The following CSF3R variants were observed in gnomAD, a reference collection of about 807,000 sequenced individuals.
The protein encoded by CSF3R is colony stimulating factor 3 receptor.
Under a neutral mutation model 84.4 loss-of-function variants are expected in CSF3R, and 52 were observed. The observed-to-expected ratio is 0.62, with a 90% CI of 0.49 to 0.78. CSF3R has a LOEUF of 0.78. Ranked by LOEUF, CSF3R falls within the 30% of genes least tolerant of loss-of-function variation. The probability of loss-of-function intolerance (pLI) is 0.00; values close to 1 mark genes in which losing one functional copy is unlikely to be tolerated. For synonymous variants in CSF3R, 384 were observed against 429.1 expected (o/e 0.89, Z 1.30); for missense variants, 890 against 1,055.7 (o/e 0.84, Z 2.17).
In CSF3R at chr1:36,471,107, G is replaced by A. The variant is rs151317983; in HGVS notation, c.1285+326C>T. ...GTTGCCCAGGCTAGAGTGTAATGGC[G>A]TGATCTCAGCTTGCTGCAACCTCTG... is the stretch of plus-strand genomic sequence containing the variant. On this transcript the variant is annotated intron_variant, in intron 10 of 16. Transcript: ENST00000373106. Among the ~76,000 whole-genome samples the A allele has an allele frequency of 2.1e-3, 317 of 152,054 alleles. 2 individuals carry two copies. The highest frequency in any genetic ancestry group is 7.2e-3 in the African/African-American group (297 of 41,462).
chr1:36,483,168 G>A (rs747778677), upstream of CSF3R: 3 of 152,222 alleles, frequency 2.0e-5, no homozygotes, highest in African/African-American at 4.8e-5. Context: ...GGCTGGGCAG[G>A]GCCCAGGCTC....
rs202140714 is a variant in CSF3R, at chr1:36,478,857, GAACAAACA to G, written c.64+568_64+575del. 1.6e-3 allele frequency: 306 copies of G among 196,594 alleles called. 1 individual carries two copies. The highest frequency in any genetic ancestry group is 6.4e-3 in the African/African-American group (274 of 42,536). 12.2% of individuals were successfully genotyped at this position (196,594 alleles called of 1,614,324 possible). The stretch of plus-strand genomic sequence containing the variant: ...CAGAGGGAGACCCTGTCTCACAAAC[GAACAAACA>G]AACAAACAAACAAACAAACAAGGAA... On this transcript the variant is annotated intron_variant, in intron 3 of 16. Transcript: ENST00000373106.
intron 4 of CSF3R, among the ~76,000 whole-genome samples, chr1:36,474,130 C>T (rs1650966716): frequency 1.3e-5 from 2 of 152,222 alleles, no homozygotes; most frequent in Admixed American, 1.3e-4. Context: ...TTCCAAGGCC[C>T]CCAACTCTAG....
rs756102630 is a variant in CSF3R at position 36,473,836 on chromosome 1, C to T, written c.413G>A (p.Ser138Asn). The T allele has an allele frequency of 1.2e-6, 2 of 1,614,178 alleles. No homozygotes were observed. Among genetic ancestry groups the T allele is most frequent in the South Asian group, 2.2e-5 (2 of 91,076 alleles). Reference sequence around the variant, plus strand: ...TGGCTCCCACTGGCAGATGAGGCTGCTGGTTGTGAGGTTCATGAGGCAGGA... The same window carrying T: ...TGGCTCCCACTGGCAGATGAGGCTGTTGGTTGTGAGGTTCATGAGGCAGGA... The part of the protein sequence containing the change: ...NLSCLMNLTT[S>N]SLICQWEPGP... The change falls in exon 5 of 17, where the codon AGC becomes AAC. Residue 138 changes from serine (S) to asparagine (N), a missense_variant. By Grantham distance (46) the Ser-to-Asn change is conservative. Transcript: ENST00000373106.
chr1:36,471,541 G>A lies in CSF3R; in HGVS notation c.1177C>T (p.Leu393Phe). 1 of 1,614,278 alleles carries A rather than the reference G, an allele frequency of 6.2e-7. No homozygotes were observed. The highest frequency in any genetic ancestry group is 8.5e-7 in the Non-Finnish European group (1 of 1,180,050). Residue 393 changes from leucine to phenylalanine, a missense_variant, in exon 10 of 17, where the codon CTC becomes TTC. Coordinates refer to ENST00000373106, the MANE Select transcript of CSF3R (RefSeq NM_000760.4). ...GAAGGCAGGTGGAAGGTGCAGCTGA[G>A]CTCTGTGGTGTTGCAGAGGGGCAGG... ...AILPLCNTTE[L>F]SCTFHLPSEA...
intron 9 of CSF3R, chr1:36,471,860 A>G: frequency 1.5e-6 from 1 of 685,778 alleles, no homozygotes. Flanking sequence ...CAGGCTCTTA[A>G]CTATTCACTG....
rs149268502 is a variant in CSF3R, at chr1:36,481,520, G to A, written c.-63C>T. 31 of 152,306 alleles carry A rather than the reference G, an allele frequency of 2.0e-4. No individual in the cohort carries two copies. The highest frequency in any genetic ancestry group is 7.0e-4 in the African/African-American group (29 of 41,562). The allele number at this position is 152,306 out of a possible 1,614,324, so 9.4% of individuals were successfully genotyped here. On this transcript the variant is annotated 5_prime_UTR_variant, in exon 2 of 17. Coordinates refer to ENST00000373106, the MANE Select transcript of CSF3R (RefSeq NM_000760.4). ...ACAAGTTACTTCACCTTTCCGAGCC[G>A]AGCCTCAGTTTCCCCATCTGTGGGA... is the stretch of plus-strand genomic sequence containing the variant.
chr1:36,476,641 G>A (rs1168981152), intron 3 of CSF3R, among the ~76,000 whole-genome samples: 1 of 150,126 alleles, frequency 6.7e-6, no homozygotes, highest in Non-Finnish European at 1.5e-5. Flanking sequence ...TTTTGTTGTT[G>A]TTGTTTTGTT....
chr1:36,482,305 CG>C (rs11295216), intron 1 of CSF3R, among the ~76,000 whole-genome samples: 71,652 of 123,066 alleles, frequency 0.58, 18,235 homozygotes, highest in East Asian at 0.7. Flanking sequence ...AGAGAGTGGG[CG>C]GGGGGGGGGC....
At chr1:36,474,887 A>G (rs999811622) in intron 4 of CSF3R, among the ~76,000 whole-genome samples, 1 of 152,058 alleles carries the variant, frequency 6.6e-6, no homozygotes, top group African/African-American at 2.4e-5. Context: ...CCTGAACCTC[A>G]GTTTCATCAT....
In CSF3R at chr1:36,472,389, C is replaced by T. The variant is rs144166608; in HGVS notation, c.846G>A (p.Val282=). 1.2e-6 allele frequency: 2 copies of T among 1,613,892 alleles called. No individual in the cohort carries two copies. The highest frequency in any genetic ancestry group is 1.7e-6 in the Non-Finnish European group (2 of 1,180,024). Residue 282 remains valine (V), a splice_region_variant and synonymous_variant, in exon 8 of 17, where the codon GTG becomes GTA. Coordinates refer to ENST00000373106, the MANE Select transcript of CSF3R (RefSeq NM_000760.4). The surrounding 1 kb of genome is among the most constrained non-coding windows in gnomAD (Gnocchi z 5.0). ...GAAGGGCCTCCAAGGGGAGGGGGCC[C>T]ACCTGGTGAGGGGTGGACAGGACTC... The part of the protein sequence containing the change: ...PQRGEASWAL[V]GPLPLEALQY...
At chr1:36,475,720 A>G (rs1258909522) in intron 3 of CSF3R, 47 bp from the exon 4 acceptor site, 2 of 1,569,794 alleles carry the variant, frequency 1.3e-6, no homozygotes, top group South Asian at 1.2e-5. Context: ...TGCCTAGCAG[A>G]GCTGGGCTAT....
intron 3 of CSF3R, chr1:36,475,911 G>C (rs1042753624): frequency 2.0e-6 from 1 of 511,368 alleles, no homozygotes; most frequent in Non-Finnish European, 3.5e-6. Context: ...AGCAGACCCT[G>C]GTTTGTAGTG....
At chr1:36,471,906 A>G in intron 9 of CSF3R, 160 bp downstream of exon 9, 2 of 769,776 alleles carry the variant, frequency 2.6e-6, no homozygotes, top group South Asian at 3.2e-5. Context: ...TCTGTCCAAA[A>G]GCTAACTCAG....
chr1:36,472,455 C>T lies in CSF3R; in HGVS notation c.843+62G>A. 1 of 1,613,848 alleles carries T rather than the reference C, an allele frequency of 6.2e-7. No homozygotes were observed. The highest frequency in any genetic ancestry group is 8.5e-7 in the Non-Finnish European group (1 of 1,179,910). ...TGGGCCATTCTAGGGCCAGCTCGAGCCCGACTTACCCTGCCCCCTGCCCCC... is the reference window on the plus strand; with the variant it reads ...TGGGCCATTCTAGGGCCAGCTCGAGTCCGACTTACCCTGCCCCCTGCCCCC... On this transcript the variant is annotated intron_variant, in intron 7 of 16. Transcript: ENST00000373106. The surrounding 1 kb of genome is among the most constrained non-coding windows in gnomAD (Gnocchi z 5.0).
At position 36,473,693 on chromosome 1, in the gene CSF3R, T is replaced by C. The variant is rs2275471; in HGVS notation, c.485+71A>G. 21,763 of 1,613,942 alleles carry C rather than the reference T, an allele frequency of 0.013. 2,045 individuals are homozygous for C. In the East Asian group the frequency reaches 0.27, roughly 20 times the overall value. ...GGCTCCCTTCTCCCTCCCAGAGGCA[T>C]GCCCAGCATCCTACCCATGCCCTAC... On this transcript the variant is annotated intron_variant, in intron 5 of 16. Coordinates refer to ENST00000373106, the MANE Select transcript of CSF3R (RefSeq NM_000760.4).
intron 4 of CSF3R, among the ~76,000 whole-genome samples, chr1:36,474,767 T>G (rs1157237047): frequency 6.6e-6 from 1 of 152,178 alleles, no homozygotes; most frequent in Non-Finnish European, 1.5e-5. Context: ...GGAGACACCC[T>G]CAGATGGCTG....
rs606231473 is a variant in CSF3R at position 36,472,313 on chromosome 1, G to A, written c.922C>T (p.Arg308Cys). Residue 308 changes from arginine to cysteine, a missense_variant, in exon 8 of 17, where the codon CGC (arginine) becomes TGC (cysteine). By Grantham distance (180) the Arg-to-Cys change is radical. Coordinates refer to ENST00000373106, the MANE Select transcript of CSF3R (RefSeq NM_000760.4). This position sits in a 1 kb window ranked among gnomAD's most constrained non-coding sequence, Gnocchi z 5.0. ...CCAGGCAGGGGCCAGCGGATGCAGC[G>A]TATCTGCAGGGTGTAGGCCGTGGCT... The part of the protein sequence containing the change: ...LPATAYTLQI[R>C]CIRWPLPGHW... 4 of 1,614,206 alleles carry A rather than the reference G, an allele frequency of 2.5e-6. No individual in the cohort carries two copies. Among genetic ancestry groups the A allele is most frequent in the South Asian group, 1.1e-5 (1 of 91,078 alleles).
Position 36,473,873 on chromosome 1 carries a change from G to A in CSF3R, c.376C>T (p.Pro126Ser). ...TTCATGAGGCAGGAGAGGTTGTGGG[G>A]TATGGCTGGAGGGTCTGCATGTGGG... The part of the protein sequence containing the change: ...ELRAGYPPAI[P>S]HNLSCLMNLT... Residue 126 changes from proline (P) to serine (S), a missense_variant, in exon 5 of 17, where the codon CCC becomes TCC. Pro to Ser is a moderately conservative substitution (Grantham distance 74). Coordinates refer to ENST00000373106, the MANE Select transcript of CSF3R (RefSeq NM_000760.4). 6.2e-7 allele frequency: 1 copy of A among 1,614,238 alleles called. No homozygotes were observed. The highest frequency in any genetic ancestry group is 8.5e-7 in the Non-Finnish European group (1 of 1,180,032).
Sources: allele counts gnomAD v4.1 joint callset (sites outside exome capture counted in the v4.1 genomes callset), GRCh38; gene constraint gnomAD v4.1.1; non-coding constraint Gnocchi (gnomAD v3.1); transcripts MANE v1.5; gene names NCBI Gene and HGNC (gene_info 2026-07-23, HGNC 2026-07-21).